Variants in CDH19 observed in about 807,000 individuals in gnomAD.
The protein encoded by CDH19 is cadherin-19.
Under a neutral mutation model 64.2 loss-of-function variants are expected in CDH19, and 67 were observed. The observed-to-expected ratio is 1.04, with a 90% CI of 0.86 to 1.28. CDH19 has a LOEUF of 1.28. Among genes scored for constraint, CDH19 ranks in the 50% most tolerant of loss-of-function variants. The probability of loss-of-function intolerance (pLI) is 0.00; values close to 1 mark genes in which losing one functional copy is unlikely to be tolerated. For synonymous variants in CDH19, 346 were observed against 319.3 expected (o/e 1.08, Z -0.89); for missense variants, 1,030 against 929.0 (o/e 1.11, Z -1.41).
At chr18:66,565,831 C>G (rs924316454) in intron 3 of CDH19, among the ~76,000 whole-genome samples, 2 of 151,908 alleles carry the variant, frequency 1.3e-5, no homozygotes, top group Middle Eastern at 3.2e-3. Context: ...CTCTCCCTCT[C>G]ATGGAAAGGT....
chr18:66,594,189 G>T (rs1274845292), intron 1 of CDH19, among the ~76,000 whole-genome samples: 1 of 151,920 alleles, frequency 6.6e-6, no homozygotes, highest in Non-Finnish European at 1.5e-5. Flanking sequence ...AATGATAAAG[G>T]GTTCAATTCA....
At position 66,534,985 on chromosome 18, in the gene CDH19, C is replaced by A; in HGVS notation, c.1336+1G>T. On this transcript the variant is annotated splice_donor_variant, in intron 8 of 11. Coordinates refer to ENST00000262150, the MANE Select transcript of CDH19 (RefSeq NM_021153.4). LOFTEE classifies it high-confidence loss of function. ...GTATTGGATTTCAAATGAGTACTTA[C>A]ATTTTTCTGTGGCTGTAATACTTAG... The A allele has an allele frequency of 6.9e-7, 1 of 1,451,792 alleles. No homozygotes were observed. Among genetic ancestry groups the A allele is most frequent in the African/African-American group, 1.4e-5 (1 of 70,950 alleles). The allele number at this position is 1,451,792 out of a possible 1,614,324, so 89.9% of individuals were successfully genotyped here. A position where few individuals can be genotyped will look rare whatever the true frequency, so the allele number is the denominator to read the frequency against.
intron 8 of CDH19, among the ~76,000 whole-genome samples, chr18:66,534,561 T>A (rs1986583920): frequency 1.3e-5 from 2 of 152,162 alleles, no homozygotes; most frequent in Non-Finnish European, 2.9e-5. Context: ...GACTTCGATA[T>A]TTTATATTGT....
chr18:66,523,552 C>A (rs938523882), intron 9 of CDH19, among the ~76,000 whole-genome samples: 1 of 149,826 alleles, frequency 6.7e-6, no homozygotes, highest in Admixed American at 6.7e-5. Flanking sequence ...GATAAATATG[C>A]AGGACTTGGC....
At chr18:66,584,366 A>G (rs1988513917) in intron 1 of CDH19, among the ~76,000 whole-genome samples, 1 of 152,086 alleles carries the variant, frequency 6.6e-6, no homozygotes, top group African/African-American at 2.4e-5. Flanking sequence ...GTTGAAGGGA[A>G]AAAGATACAC....
At chr18:66,559,837 G>C (rs1031786570) in intron 3 of CDH19, among the ~76,000 whole-genome samples, 1 of 151,628 alleles carries the variant, frequency 6.6e-6, no homozygotes, top group African/African-American at 2.4e-5. Context: ...TAAGTAAATA[G>C]ATGAAAATAC....
intron 10 of CDH19, among the ~76,000 whole-genome samples, chr18:66,511,358 T>C (rs567993041): frequency 1.6e-4 from 25 of 151,854 alleles, no homozygotes; most frequent in Middle Eastern, 3.4e-3. Context: ...AAAGTGTTTC[T>C]ACTTTGAAGA....
At chr18:66,567,847 A>G (rs1436374240) in intron 3 of CDH19, among the ~76,000 whole-genome samples, 1 of 151,830 alleles carries the variant, frequency 6.6e-6, no homozygotes, top group Non-Finnish European at 1.5e-5. Flanking sequence ...GTCAATTCTT[A>G]TATCTTATGG....
intron 9 of CDH19, among the ~76,000 whole-genome samples, chr18:66,514,739 T>A (rs1985658708): frequency 6.6e-6 from 1 of 151,536 alleles, no homozygotes; most frequent in African/African-American, 2.4e-5. Context: ...TGTCTTTTTT[T>A]AAGAAAAAGT....
At position 66,509,086 on chromosome 18, in the gene CDH19, T is replaced by C; in HGVS notation, c.1737A>G (p.Thr579=). 4 of 1,612,974 alleles carry C rather than the reference T, an allele frequency of 2.5e-6. No individual in the cohort carries two copies. Among genetic ancestry groups the C allele is most frequent in the Non-Finnish European group, 3.4e-6 (4 of 1,179,338 alleles). ...HVCDCGDSGS[T]QTCQYQELVL... ...CAAGCTCCTGGTACTGGCAGGTCTG[T>C]GTGCTCCCACTGTCACCACAGTCAC... The change falls in exon 11 of 12, where the codon ACA becomes ACG. Residue 579 remains threonine (T), a synonymous_variant. Coordinates refer to ENST00000262150, the MANE Select transcript of CDH19 (RefSeq NM_021153.4).
At chr18:66,549,038 A>T (rs2144507233) in intron 5 of CDH19, among the ~76,000 whole-genome samples, 1 of 152,154 alleles carries the variant, frequency 6.6e-6, no homozygotes, top group East Asian at 1.9e-4. Context: ...CATTGAGAGG[A>T]GGGTAATGGG....
At chr18:66,560,034 G>T (rs1390075036) in intron 3 of CDH19, among the ~76,000 whole-genome samples, 1 of 151,892 alleles carries the variant, frequency 6.6e-6, no homozygotes, top group African/African-American at 2.4e-5. Context: ...TGTTTCTTTT[G>T]TTTTGTTTTT....
At chr18:66,548,710 AC>A (rs1314684370) in intron 5 of CDH19, among the ~76,000 whole-genome samples, 1 of 152,146 alleles carries the variant, frequency 6.6e-6, no homozygotes, top group African/African-American at 2.4e-5. Flanking sequence ...TGTAACTCAA[AC>A]GGAGTAAGTT....
At chr18:66,526,380 C>T (rs1197864217) in intron 9 of CDH19, among the ~76,000 whole-genome samples, 10 of 152,192 alleles carry the variant, frequency 6.6e-5, no homozygotes, top group Admixed American at 5.2e-4. Context: ...ATATTTCTCT[C>T]CTCAGTAGAG....
In CDH19 at chr18:66,585,667, C is replaced by T. The variant is rs1031476485; in HGVS notation, c.-112-13351G>A. Reference sequence around the variant, plus strand: ...TAGTGATTTCTGCATTTCTCAAGGTCGAAATATTCAGCTATTTTCATTTCT... The same window carrying T: ...TAGTGATTTCTGCATTTCTCAAGGTTGAAATATTCAGCTATTTTCATTTCT... On this transcript the variant is annotated intron_variant, in intron 1 of 11. Coordinates refer to ENST00000262150, the MANE Select transcript of CDH19 (RefSeq NM_021153.4). Among the ~76,000 whole-genome samples the T allele has an allele frequency of 3.5e-4, 53 of 151,844 alleles. 1 individual carries two copies. The highest frequency in any genetic ancestry group is 3.0e-3 in the Admixed American group (45 of 15,210).
intron 7 of CDH19, among the ~76,000 whole-genome samples, chr18:66,542,903 C>G (rs1865874816): frequency 6.6e-6 from 1 of 152,168 alleles, no homozygotes; most frequent in Non-Finnish European, 1.5e-5. Context: ...CTTCACCCCC[C>G]CGACCTTGGA....
chr18:66,509,587 A>G (rs1257586769), intron 10 of CDH19, among the ~76,000 whole-genome samples: 1 of 151,844 alleles, frequency 6.6e-6, no homozygotes, highest in African/African-American at 2.4e-5. Context: ...TCTTTGACAC[A>G]TATATAAAAC....
In CDH19 at chr18:66,572,245, A is replaced by C. The variant is rs1323118572; in HGVS notation, c.-41T>G. The C allele has an allele frequency of 4.0e-6, 6 of 1,496,380 alleles. No individual in the cohort carries two copies. Among genetic ancestry groups the C allele is most frequent in the Non-Finnish European group, 5.5e-6 (6 of 1,088,092 alleles). The allele number at this position is 1,496,380 out of a possible 1,614,324, so 92.7% of individuals were successfully genotyped here. A position where few individuals can be genotyped will look rare whatever the true frequency, so the allele number is the denominator to read the frequency against. ...GATTCCAACTATTACTCTTCAGAGG[A>C]AACAGGACGTCACTAACAAAAATCT... On this transcript the variant is annotated 5_prime_UTR_variant, in exon 2 of 12. Transcript: ENST00000262150.
chr18:66,506,738 T>G (rs973096962), intron 11 of CDH19, among the ~76,000 whole-genome samples: 1 of 151,844 alleles, frequency 6.6e-6, no homozygotes, highest in Admixed American at 6.6e-5. Context: ...ACCTAGGATC[T>G]TATGTAGCTG....
Sources: allele counts gnomAD v4.1 joint callset (sites outside exome capture counted in the v4.1 genomes callset), GRCh38; gene constraint gnomAD v4.1.1; transcripts MANE v1.5; gene names NCBI Gene and HGNC (gene_info 2026-07-23, HGNC 2026-07-21).